Variants in SVEP1 observed in about 807,000 individuals in gnomAD.
The protein encoded by SVEP1 is sushi, von Willebrand factor type A, EGF and pentraxin domain-containing protein 1.
Under a neutral mutation model 367.3 loss-of-function variants are expected in SVEP1, and 164 were observed. The ratio of observed to expected loss-of-function variants is 0.45; its 90% CI spans 0.39 to 0.51. The LOEUF is 0.51. Among genes scored for constraint, SVEP1 ranks in the 20% least tolerant of loss-of-function variants. The probability of loss-of-function intolerance (pLI) is 0.00; values close to 1 mark genes in which losing one functional copy is unlikely to be tolerated. For synonymous variants in SVEP1, 1,666 were observed against 1,611.6 expected (o/e 1.03, Z -0.81); for missense variants, 4,117 against 4,425.3 (o/e 0.93, Z 1.98).
At chr9:110,531,916 A>G (rs1830022726) in intron 3 of SVEP1, among the ~76,000 whole-genome samples, 2 of 152,166 alleles carry the variant, frequency 1.3e-5, no homozygotes, top group Non-Finnish European at 2.9e-5. Context: ...AAAGAGATAA[A>G]TGTGTGATTA....
intron 17 of SVEP1, among the ~76,000 whole-genome samples, chr9:110,467,435 T>G (rs1443060785): frequency 2.0e-5 from 3 of 152,130 alleles, no homozygotes; most frequent in Non-Finnish European, 1.5e-5. Context: ...TAGATATAGT[T>G]TGGATGTGTG....
At chr9:110,546,609 A>G (rs1296251321) in intron 2 of SVEP1, among the ~76,000 whole-genome samples, 3 of 152,300 alleles carry the variant, frequency 2.0e-5, no homozygotes, top group Non-Finnish European at 2.9e-5. Flanking sequence ...TCAGTTCTGC[A>G]GGTCATTCCC....
At chr9:110,392,246 C>CTATT (rs1827669868) in intron 40 of SVEP1, among the ~76,000 whole-genome samples, 1 of 151,444 alleles carries the variant, frequency 6.6e-6, no homozygotes, top group African/African-American at 2.4e-5. Context: ...GGTTCCTTCT[C>CTATT]TATTTACTCC....
chr9:110,507,192 TC>T (rs1829638855), intron 5 of SVEP1, among the ~76,000 whole-genome samples: 1 of 152,166 alleles, frequency 6.6e-6, no homozygotes. Flanking sequence ...CTCAGAGAGC[TC>T]TTATAACAAT....
At chr9:110,436,712 ATGT>A (rs1310705167) in intron 27 of SVEP1, among the ~76,000 whole-genome samples, 6 of 152,230 alleles carry the variant, frequency 3.9e-5, no homozygotes, top group Admixed American at 2.6e-4. Flanking sequence ...AGGATTTAGA[ATGT>A]TGATTTATAA....
intron 36 of SVEP1, among the ~76,000 whole-genome samples, chr9:110,423,224 C>T (rs1024702140): frequency 1.5e-5 from 2 of 136,376 alleles, no homozygotes; most frequent in African/African-American, 5.4e-5. Context: ...TTTGTATATT[C>T]AGCTAAACTA....
In SVEP1 at chr9:110,486,989, T is replaced by C. The variant is rs572537456; in HGVS notation, c.1930+2661A>G. On this transcript the variant is annotated intron_variant, in intron 9 of 47. Coordinates refer to ENST00000374469, the MANE Select transcript of SVEP1 (RefSeq NM_153366.4). ...CTCTCTCTTTGAGACGGAGTTTTGC[T>C]CTTGTTGCCCAGGCTGGAGTGCAAT... is the stretch of plus-strand genomic sequence containing the variant. Among the ~76,000 whole-genome samples, 11 of 148,594 alleles carry C rather than the reference T, an allele frequency of 7.4e-5. No homozygotes were observed. The East Asian group carries it at 2.2e-3, about 30-fold the overall frequency.
intron 1 of SVEP1, among the ~76,000 whole-genome samples, chr9:110,555,408 G>C (rs895337200): frequency 3.9e-5 from 6 of 152,022 alleles, no homozygotes; most frequent in Non-Finnish European, 8.8e-5. Context: ...AGTGTGTCTG[G>C]GTACATGCAC....
chr9:110,514,005 A>T lies in SVEP1; in HGVS notation c.1066T>A (p.Ser356Thr), dbSNP rs1297492328. 1.2e-6 allele frequency: 2 copies of T among 1,612,794 alleles called. No homozygotes were observed. The highest frequency in any genetic ancestry group is 1.1e-5 in the South Asian group (1 of 90,684). ...ENHTSPPGST[S>T]PEDCVCREGY... ...TCTCTGCAGACACAGTCTTCAGGGG[A>T]TGTGCTTCCAGGTGGAGAGGTGTGA... The change falls in exon 4 of 48, where the codon TCC becomes ACC. Residue 356 changes from serine to threonine, a missense_variant. Coordinates refer to ENST00000374469, the MANE Select transcript of SVEP1 (RefSeq NM_153366.4).
At chr9:110,472,408 A>G in intron 14 of SVEP1, 85 bp from the exon 15 acceptor site, 1 of 1,346,768 alleles carries the variant, frequency 7.4e-7, no homozygotes, top group South Asian at 1.6e-5. Context: ...CACAAGTGAA[A>G]TTACACTTGA....
At chr9:110,521,468 G>C (rs1417570427) in intron 3 of SVEP1, among the ~76,000 whole-genome samples, 3 of 152,172 alleles carry the variant, frequency 2.0e-5, no homozygotes, top group African/African-American at 4.8e-5. Flanking sequence ...ATTAGTGATG[G>C]ATCAGGACAA....
intron 43 of SVEP1, among the ~76,000 whole-genome samples, chr9:110,384,627 A>G (rs1043041727): frequency 9.3e-5 from 14 of 150,936 alleles, no homozygotes; most frequent in African/African-American, 3.4e-4. Flanking sequence ...GAAATCTATA[A>G]TAACTACAAG....
intron 3 of SVEP1, among the ~76,000 whole-genome samples, chr9:110,523,245 G>A (rs926242488): frequency 1.3e-5 from 2 of 152,186 alleles, no homozygotes; most frequent in African/African-American, 2.4e-5. Flanking sequence ...TCTGCAAGTC[G>A]TCTTCATTTC....
intron 30 of SVEP1, 69 bp downstream of exon 30, chr9:110,434,267 T>C: frequency 1.4e-6 from 2 of 1,474,032 alleles, no homozygotes; most frequent in Non-Finnish European, 1.8e-6. Flanking sequence ...TGTCTAGCAT[T>C]CCTGAAAAGA....
intron 42 of SVEP1, among the ~76,000 whole-genome samples, 160 bp downstream of exon 42, chr9:110,387,125 T>G (rs4978921): frequency 0.092 from 14,025 of 152,268 alleles, 1,110 homozygotes; most frequent in East Asian, 0.4. Flanking sequence ...AACACAAACA[T>G]ATTTTTAAAA....
At chr9:110,444,294 G>A (rs1470328209) in intron 26 of SVEP1, among the ~76,000 whole-genome samples, 1 of 152,186 alleles carries the variant, frequency 6.6e-6, no homozygotes, top group East Asian at 1.9e-4. Flanking sequence ...AGGCTCTGAA[G>A]AGACCACTTG....
At chr9:110,541,852 T>G (rs909176379) in intron 3 of SVEP1, among the ~76,000 whole-genome samples, 23 of 140,704 alleles carry the variant, frequency 1.6e-4, no homozygotes, top group East Asian at 6.2e-4. Context: ...GATATCTATA[T>G]ATATCTATAT....
chr9:110,458,611 G>A (rs1367007355), intron 19 of SVEP1, 49 bp from the exon 20 acceptor site: 2 of 1,521,336 alleles, frequency 1.3e-6, no homozygotes, highest in African/African-American at 2.7e-5. Flanking sequence ...ATGCCAGTAA[G>A]TGGACTATAT....
intron 24 of SVEP1, 72 bp from the exon 25 acceptor site, chr9:110,447,129 C>G: frequency 5.5e-6 from 7 of 1,271,472 alleles, no homozygotes; most frequent in Non-Finnish European, 7.0e-6. Flanking sequence ...AATCTTATCT[C>G]GAAAGACTTT....
Sources: allele counts gnomAD v4.1 joint callset (sites outside exome capture counted in the v4.1 genomes callset), GRCh38; gene constraint gnomAD v4.1.1; transcripts MANE v1.5; gene names NCBI Gene and HGNC (gene_info 2026-07-23, HGNC 2026-07-21).